The following MAML3 variants were observed in gnomAD, a reference collection of about 807,000 sequenced individuals.
MAML3 encodes the protein mastermind-like protein 3.
A neutral mutation model predicts 101.9 loss-of-function variants in MAML3; 27 were observed. The ratio of observed to expected loss-of-function variants is 0.27; its 90% CI spans 0.20 to 0.37. The LOEUF (loss-of-function observed/expected upper bound fraction) is 0.37. MAML3 is among the 10% of genes least tolerant of loss of function. The pLI, the probability that MAML3 is intolerant of heterozygous loss-of-function variation, is 1.00. For synonymous variants in MAML3, 501 were observed against 555.9 expected, an observed-to-expected ratio of 0.90 and a Z score of 1.39; for missense variants, 1,316 against 1,444.9, an observed-to-expected ratio of 0.91 and a Z score of 1.45.
chr4:139,813,410 ATAAAAGAGATCC>A (rs1281814583), intron 2 of MAML3, among the ~76,000 whole-genome samples: 4 of 152,198 alleles, frequency 2.6e-5, no homozygotes, highest in Admixed American at 6.5e-5. Context: ...AAAGCTAAAA[ATAAAAGAGATCC>A]TAAATGTTTC....
At chr4:140,024,054 A>G (rs1726780944) in intron 1 of MAML3, among the ~76,000 whole-genome samples, 1 of 152,216 alleles carries the variant, frequency 6.6e-6, no homozygotes, top group South Asian at 2.1e-4. Flanking sequence ...AGTATGTGAC[A>G]AACATTATTC....
chr4:139,995,676 G>A (rs2110835279), intron 1 of MAML3, among the ~76,000 whole-genome samples: 1 of 152,120 alleles, frequency 6.6e-6, no homozygotes, highest in East Asian at 1.9e-4. Flanking sequence ...TCAGTAGTAT[G>A]GCTCATTTTT....
At chr4:140,036,425 G>A (rs149514555) in intron 1 of MAML3, among the ~76,000 whole-genome samples, 32 of 152,312 alleles carry the variant, frequency 2.1e-4, no homozygotes, top group East Asian at 1.9e-3. Flanking sequence ...AACAGCTACC[G>A]CGATTAAAAA....
chr4:140,150,906 G>A (rs932438966), intron 1 of MAML3, among the ~76,000 whole-genome samples: 7 of 152,058 alleles, frequency 4.6e-5, no homozygotes, highest in Admixed American at 2.0e-4. Context: ...AACCTCCCCC[G>A]ACTCGAACTG....
At chr4:139,815,561 C>T (rs1730878554) in intron 2 of MAML3, among the ~76,000 whole-genome samples, 1 of 152,036 alleles carries the variant, frequency 6.6e-6, no homozygotes, top group South Asian at 2.1e-4. Context: ...CTCCAAAAGC[C>T]CAGGTTCTTA....
intron 2 of MAML3, among the ~76,000 whole-genome samples, chr4:139,749,784 G>C (rs1221289422): frequency 6.6e-6 from 1 of 152,044 alleles, no homozygotes; most frequent in Non-Finnish European, 1.5e-5. Flanking sequence ...ATAATACAGA[G>C]TTTTGAGCAA....
chr4:139,927,102 T>TA (rs1733281023), intron 1 of MAML3, among the ~76,000 whole-genome samples: 1 of 151,756 alleles, frequency 6.6e-6, no homozygotes, highest in Non-Finnish European at 1.5e-5. Flanking sequence ...TTTTGTACTT[T>TA]TCGTAGAGAC....
intron 2 of MAML3, among the ~76,000 whole-genome samples, chr4:139,768,868 ATTTTCCCCCC>A (rs1340853269): frequency 2.2e-4 from 33 of 152,050 alleles, no homozygotes. Flanking sequence ...TTAATTATAT[ATTTTCCCCCC>A]TTTTCTTTCA....
At chr4:139,814,025 A>AACACACACACAC (rs70943442) in intron 2 of MAML3, among the ~76,000 whole-genome samples, 7,353 of 145,020 alleles carry the variant, frequency 0.051, 205 homozygotes, top group Admixed American at 0.08. Context: ...CACAAACACA[A>AACACACACACAC]ACACACACAC....
intron 2 of MAML3, among the ~76,000 whole-genome samples, chr4:139,860,336 T>C (rs1451713409): frequency 6.6e-6 from 1 of 152,252 alleles, no homozygotes; most frequent in South Asian, 2.1e-4. Context: ...GGGGCTTCTC[T>C]TGGCCATCTT....
chr4:140,025,620 AGCATAGG>A (rs1456084137), intron 1 of MAML3, among the ~76,000 whole-genome samples: 1 of 152,184 alleles, frequency 6.6e-6, no homozygotes, highest in Non-Finnish European at 1.5e-5. Context: ...TAAAGGGAAG[AGCATAGG>A]GCAACCTGGA....
At chr4:139,754,981 T>C (rs533797076) in intron 2 of MAML3, among the ~76,000 whole-genome samples, 46 of 152,348 alleles carry the variant, frequency 3.0e-4, no homozygotes, top group Middle Eastern at 6.8e-3. Context: ...CTATGTCTGT[T>C]GCTTTGCCTC....
At chr4:139,721,219 C>A (rs540926888) in intron 4 of MAML3, among the ~76,000 whole-genome samples, 3 of 152,190 alleles carry the variant, frequency 2.0e-5, no homozygotes, top group Non-Finnish European at 4.4e-5. Flanking sequence ...CATACCAAGT[C>A]ATTCAACCTT....
intron 1 of MAML3, among the ~76,000 whole-genome samples, chr4:140,143,978 C>T (rs1171074003): frequency 2.6e-5 from 4 of 152,116 alleles, no homozygotes; most frequent in Admixed American, 6.5e-5. Context: ...AGAGTAATGC[C>T]GCATGTGTAA....
At position 139,888,037 on chromosome 4, in the gene MAML3, G is replaced by A. The variant is rs541061547; in HGVS notation, c.2079+1320C>T. On this transcript the variant is annotated intron_variant, in intron 2 of 4. Transcript: ENST00000509479. Reference sequence around the variant, plus strand: ...TTATCCAGACGGAATCTTTAGAGCCGGCTGGCATGTGCAGACAAGAAGCCA... The same window carrying A: ...TTATCCAGACGGAATCTTTAGAGCCAGCTGGCATGTGCAGACAAGAAGCCA... 8.5e-5 allele frequency among the ~76,000 whole-genome samples: 13 copies of A among 152,188 alleles called. No homozygotes were observed. In the South Asian group the frequency reaches 2.3e-3, roughly 27 times the overall value.
At chr4:140,034,365 T>C (rs895751728) in intron 1 of MAML3, among the ~76,000 whole-genome samples, 2 of 152,222 alleles carry the variant, frequency 1.3e-5, no homozygotes, top group Non-Finnish European at 2.9e-5. Flanking sequence ...AAACTCTTAA[T>C]AAACCATTGA....
intron 2 of MAML3, among the ~76,000 whole-genome samples, chr4:139,819,179 G>A (rs925993442): frequency 2.0e-5 from 3 of 152,130 alleles, no homozygotes; most frequent in East Asian, 1.9e-4. Flanking sequence ...GGCCTGGAGC[G>A]GGGAGAGTGA....
At chr4:139,793,719 C>T (rs924094361) in intron 2 of MAML3, among the ~76,000 whole-genome samples, 6 of 152,224 alleles carry the variant, frequency 3.9e-5, no homozygotes, top group African/African-American at 1.2e-4. Flanking sequence ...CTAACTTACA[C>T]ACTATCTGAG....
Position 139,890,930 on chromosome 4 carries a change from C to A in MAML3, c.506G>T (p.Arg169Leu), listed in dbSNP as rs755064403. The A allele has an allele frequency of 4.3e-6, 7 of 1,613,050 alleles. No homozygotes were observed. The highest frequency in any genetic ancestry group is 1.6e-4 in the Middle Eastern group (1 of 6,084). The change falls in exon 2 of 5, where the codon CGA becomes CTA. Residue 169 changes from arginine (R) to leucine (L), a missense_variant. Physicochemically the swap from Arg to Leu is moderately radical, Grantham distance 102 (BLOSUM62 -2). Transcript: ENST00000509479. The surrounding 1 kb of genome is among the most constrained non-coding windows in gnomAD (Gnocchi z 4.1). ...CTGCTGGTCTCCATTAAGTGGTGAT[C>A]GAGCTCCTTCCAACTTCCTTTTCAC... Reference protein sequence around the residue: ...ETVKRKLEGARSPLNGDQQNG... With the variant: ...ETVKRKLEGALSPLNGDQQNG...
Sources: allele counts gnomAD v4.1 joint callset (sites outside exome capture counted in the v4.1 genomes callset), GRCh38; gene constraint gnomAD v4.1.1; non-coding constraint Gnocchi (gnomAD v3.1); transcripts MANE v1.5; gene names NCBI Gene and HGNC (gene_info 2026-07-23, HGNC 2026-07-21).